NTN4: variants seen among roughly 807,000 people sequenced by gnomAD.
NTN4 encodes the protein netrin 4, also known as netrin-4.
NTN4 carries 32 observed loss-of-function variants against 73.6 expected under a neutral mutation model. The observed-to-expected ratio is 0.44, with a 90% CI of 0.33 to 0.58. The LOEUF (loss-of-function observed/expected upper bound fraction) is 0.58, where lower values mean the gene tolerates loss of function less well. NTN4 is among the 20% of genes least tolerant of loss of function. NTN4 has a pLI of 0.04. For missense variants in NTN4, 654 were observed against 798.3 expected (o/e 0.82, Z 2.18); for synonymous variants, 258 against 287.5 (o/e 0.90, Z 1.04).
chr12:95,705,325 G>A (rs1005163827), intron 5 of NTN4, among the ~76,000 whole-genome samples: 4 of 152,000 alleles, frequency 2.6e-5, no homozygotes, highest in South Asian at 2.1e-4. Context: ...AGTAGATGAC[G>A]CACATGGACT....
intron 3 of NTN4, among the ~76,000 whole-genome samples, chr12:95,721,923 C>T (rs2078650745): frequency 6.6e-6 from 1 of 152,144 alleles, no homozygotes; most frequent in Non-Finnish European, 1.5e-5. Flanking sequence ...TGTGCATGCA[C>T]ACGTGCGCGC....
chr12:95,775,942 G>A (rs949280438), intron 2 of NTN4, among the ~76,000 whole-genome samples: 3 of 152,180 alleles, frequency 2.0e-5, no homozygotes, highest in Admixed American at 6.5e-5. Context: ...TCACACGGCC[G>A]GGTACTCCTC....
At chr12:95,717,191 G>A (rs541641262) in intron 3 of NTN4, among the ~76,000 whole-genome samples, 1 of 152,196 alleles carries the variant, frequency 6.6e-6, no homozygotes, top group Admixed American at 6.5e-5. Context: ...CTCTTCAAAG[G>A]AGCTCAACCA....
At chr12:95,785,630 C>T (rs765633260) in intron 2 of NTN4, among the ~76,000 whole-genome samples, 12 of 152,168 alleles carry the variant, frequency 7.9e-5, no homozygotes, top group Non-Finnish European at 1.8e-4. Flanking sequence ...GGAAAGGAGG[C>T]CCCAAACCAA....
At chr12:95,775,910 C>T (rs997693202) in intron 2 of NTN4, among the ~76,000 whole-genome samples, 2 of 152,216 alleles carry the variant, frequency 1.3e-5, no homozygotes, top group Admixed American at 1.3e-4. Context: ...GAGGCACCCC[C>T]CAGTAGGGGC....
intron 2 of NTN4, among the ~76,000 whole-genome samples, chr12:95,776,966 G>T (rs893910282): frequency 6.6e-6 from 1 of 152,148 alleles, no homozygotes; most frequent in African/African-American, 2.4e-5. Context: ...TGATCTCTTG[G>T]TGGAAACTCT....
At chr12:95,699,885 T>C (rs1006087305) in intron 5 of NTN4, among the ~76,000 whole-genome samples, 2 of 152,196 alleles carry the variant, frequency 1.3e-5, no homozygotes, top group African/African-American at 4.8e-5. Context: ...TGAATTCTGC[T>C]TTCTTTTCCA....
At chr12:95,678,108 T>G (rs2078287325) in intron 7 of NTN4, among the ~76,000 whole-genome samples, 1 of 152,042 alleles carries the variant, frequency 6.6e-6, no homozygotes, top group Admixed American at 6.6e-5. Context: ...ACACCATATA[T>G]TCTCACTTAT....
intron 7 of NTN4, among the ~76,000 whole-genome samples, chr12:95,671,657 A>G (rs954370197): frequency 2.6e-5 from 4 of 152,162 alleles, no homozygotes; most frequent in Non-Finnish European, 5.9e-5. Context: ...ATTGTCTTCC[A>G]TGAAACCGCT....
intron 3 of NTN4, among the ~76,000 whole-genome samples, chr12:95,719,504 T>C (rs1276634601): frequency 6.6e-6 from 1 of 152,154 alleles, no homozygotes; most frequent in Non-Finnish European, 1.5e-5. Context: ...TCTAAAGAGA[T>C]AGTATGCCCC....
chr12:95,778,150 G>A (rs1172506711), intron 2 of NTN4, among the ~76,000 whole-genome samples: 7 of 152,038 alleles, frequency 4.6e-5, no homozygotes, highest in Non-Finnish European at 1.0e-4. Flanking sequence ...TCTCTGGGAC[G>A]CATTTAAAGC....
At chr12:95,666,076 G>T in intron 8 of NTN4, 96 bp from the exon 9 acceptor site, 1 of 919,992 alleles carries the variant, frequency 1.1e-6, no homozygotes, top group Non-Finnish European at 1.6e-6. Context: ...ATGGAAAGGT[G>T]AATTGATGAT....
At chr12:95,758,885 C>T (rs1338248290) in intron 2 of NTN4, among the ~76,000 whole-genome samples, 1 of 152,136 alleles carries the variant, frequency 6.6e-6, no homozygotes, top group East Asian at 1.9e-4. Flanking sequence ...GTTCAGTTTA[C>T]CAGTATTTCT....
intron 3 of NTN4, among the ~76,000 whole-genome samples, chr12:95,723,321 C>T (rs562625902): frequency 8.6e-5 from 13 of 151,804 alleles, no homozygotes; most frequent in South Asian, 8.4e-4. Context: ...AGTGTGTTAC[C>T]GCAGCACACC....
intron 2 of NTN4, among the ~76,000 whole-genome samples, chr12:95,750,717 C>CTAA (rs1431068662): frequency 2.0e-5 from 3 of 152,168 alleles, no homozygotes; most frequent in Non-Finnish European, 4.4e-5. Context: ...CTGAGTCTTT[C>CTAA]TAATCTTCAT....
intron 2 of NTN4, among the ~76,000 whole-genome samples, chr12:95,751,401 C>T (rs1170991115): frequency 2.0e-5 from 3 of 152,312 alleles, no homozygotes; most frequent in Admixed American, 6.5e-5. Flanking sequence ...ACGCCTGAAC[C>T]GCAGCGGCCA....
At chr12:95,663,360 C>T (rs2078153207) in intron 9 of NTN4, 1 of 152,100 alleles carries the variant, frequency 6.6e-6, no homozygotes, top group Non-Finnish European at 1.5e-5. Flanking sequence ...TTTTATTTTC[C>T]TATCTCTAGG....
chr12:95,745,138 T>C (rs1170221180), intron 2 of NTN4, among the ~76,000 whole-genome samples: 5 of 152,108 alleles, frequency 3.3e-5, no homozygotes, highest in Admixed American at 3.3e-4. Context: ...GTAGATTTCT[T>C]CTTGTTTCTT....
intron 7 of NTN4, among the ~76,000 whole-genome samples, chr12:95,680,119 A>C (rs936486091): frequency 2.3e-4 from 35 of 152,160 alleles, no homozygotes; most frequent in African/African-American, 8.2e-4. Flanking sequence ...ATTACACTAA[A>C]CATTCATCAT....
Sources: gnomAD v4.1 joint callset for allele counts (sites outside exome capture counted in the v4.1 genomes callset) on GRCh38, gnomAD v4.1.1 for gene constraint, MANE v1.5 for transcripts, NCBI Gene and HGNC (gene_info 2026-07-23, HGNC 2026-07-21) for gene names.